PTPRF: variants seen among roughly 807,000 people sequenced by gnomAD.
The protein encoded by PTPRF is receptor-type tyrosine-protein phosphatase F.
In PTPRF, 59 loss-of-function variants were observed where a neutral mutation model predicts 201.8. That is an observed-to-expected ratio of 0.29 (90% CI 0.24 to 0.36). The LOEUF (loss-of-function observed/expected upper bound fraction) is 0.36, where lower values mean the gene tolerates loss of function less well. PTPRF is among the 10% of genes least tolerant of loss of function. The pLI is 1.00. For synonymous variants in PTPRF, 1,088 were observed against 1,089.7 expected, an observed-to-expected ratio of 1.00 and a Z score of 0.03; for missense variants, 2,132 against 2,690.5, an observed-to-expected ratio of 0.79 and a Z score of 4.59.
intron 13 of PTPRF, 112 bp downstream of exon 13, chr1:43,599,025 G>A (rs1281307874): frequency 8.5e-7 from 1 of 1,178,890 alleles, no homozygotes; most frequent in East Asian, 2.5e-5. Flanking sequence ...CAGCAGTGCT[G>A]TGACTGCCTT....
Position 43,609,436 on chromosome 1 carries a change from A to G in PTPRF, c.3911A>G (p.Asp1304Gly). The change falls in exon 22 of 34, where the codon GAC becomes GGC. Residue 1304 changes from aspartate to glycine, a missense_variant. This residue lies in a region of PTPRF where 818 missense variants were observed against 915.3 expected (regional missense o/e 0.89). Transcript: ENST00000359947. ...GATGAGCAGTCGATCGGACTGAAGG[A>G]CTCCTTGCTGGCCCACTCCTCTGAC... ...SKDEQSIGLK[D>G]SLLAHSSDPV... 6.2e-7 allele frequency: 1 copy of G among 1,613,694 alleles called. No individual in the cohort carries two copies. Among genetic ancestry groups the G allele is most frequent in the Non-Finnish European group, 8.5e-7 (1 of 1,179,908 alleles).
intron 2 of PTPRF, among the ~76,000 whole-genome samples, chr1:43,539,150 A>T (rs1378449224): frequency 6.6e-6 from 1 of 152,186 alleles, no homozygotes; most frequent in Non-Finnish European, 1.5e-5. Flanking sequence ...GGAGTGATTG[A>T]AGGCAGGAAG....
intron 3 of PTPRF, among the ~76,000 whole-genome samples, chr1:43,549,114 G>C (rs1349986190): frequency 1.3e-5 from 2 of 152,256 alleles, no homozygotes; most frequent in Non-Finnish European, 2.9e-5. Flanking sequence ...GTGTGTGTCA[G>C]GGAGGGGGCA....
intron 22 of PTPRF, chr1:43,612,743 T>C (rs755148677): frequency 1.6e-5 from 22 of 1,357,856 alleles, no homozygotes; most frequent in Non-Finnish European, 2.2e-5. Context: ...TTTTTTCGTT[T>C]GTTTGTTTGT....
chr1:43,575,104 G>A (rs1315319924), intron 6 of PTPRF, among the ~76,000 whole-genome samples: 1 of 152,238 alleles, frequency 6.6e-6, no homozygotes, highest in Non-Finnish European at 1.5e-5. Context: ...TCTGGGGAAG[G>A]CAGTGGTTGC....
chr1:43,567,595 C>T (rs1269512047), intron 5 of PTPRF, among the ~76,000 whole-genome samples: 1 of 152,174 alleles, frequency 6.6e-6, no homozygotes, highest in African/African-American at 2.4e-5. Context: ...GCAGCTAGAG[C>T]CTTGGGGAGC....
rs571838340 is a variant in PTPRF, at chr1:43,605,235, C to T, written c.3181C>T (p.Arg1061Trp). Reference protein sequence around the residue: ...QSVEVDGHSMRKLIADLQPNT... With the variant: ...QSVEVDGHSMWKLIADLQPNT... Reference sequence around the variant, plus strand: ...TGTGGAGGTGGACGGGCACTCGATGCGGAAGCTGATCGCAGACCTGCAGCC... The same window carrying T: ...TGTGGAGGTGGACGGGCACTCGATGTGGAAGCTGATCGCAGACCTGCAGCC... The change falls in exon 18 of 34, where the codon CGG (arginine) becomes TGG (tryptophan). Residue 1061 changes from arginine to tryptophan, a missense_variant. This residue lies in a region of PTPRF where 818 missense variants were observed against 915.3 expected (regional missense o/e 0.89). Transcript: ENST00000359947. 8 of 1,607,636 alleles carry T rather than the reference C, an allele frequency of 5.0e-6. No homozygotes were observed. The highest frequency in any genetic ancestry group is 1.7e-4 in the Middle Eastern group (1 of 6,044).
intron 3 of PTPRF, among the ~76,000 whole-genome samples, chr1:43,548,828 C>T (rs1416568339): frequency 1.3e-5 from 2 of 152,182 alleles, no homozygotes; most frequent in African/African-American, 4.8e-5. Context: ...GCCCTGCCTC[C>T]GTGTGTACAT....
chr1:43,591,564 G>T lies in PTPRF; in HGVS notation c.1531+11G>T, dbSNP rs1361888149. 2 of 1,550,920 alleles carry T rather than the reference G, an allele frequency of 1.3e-6. No homozygotes were observed. The highest frequency in any genetic ancestry group is 1.9e-5 in the Admixed American group (1 of 53,972). ...AGACGCAGCAGGGAGGTAGGTGGGG[G>T]CATGCCGGCTGGGCAGCCAACAGCA... On this transcript the variant is annotated intron_variant, in intron 9 of 33. Transcript: ENST00000359947.
chr1:43,536,827 G>A (rs1000406372), intron 1 of PTPRF, among the ~76,000 whole-genome samples: 12 of 152,144 alleles, frequency 7.9e-5, no homozygotes. Context: ...AGGCTGGGTC[G>A]CCAAGCTGGC....
At chr1:43,571,240 A>G (rs1364123908) in intron 6 of PTPRF, among the ~76,000 whole-genome samples, 1 of 151,908 alleles carries the variant, frequency 6.6e-6, no homozygotes, top group African/African-American at 2.4e-5. Context: ...CTAGCCTTTC[A>G]GGGCTCTGTC....
At chr1:43,536,484 G>C (rs146850378) in intron 1 of PTPRF, among the ~76,000 whole-genome samples, 1,927 of 152,258 alleles carry the variant, frequency 0.013, 38 homozygotes, top group African/African-American at 0.043. Flanking sequence ...CTCCAAGCAC[G>C]AGACCCTGCT....
At chr1:43,617,978 CTTCTTCTGTGCCGCT>C in intron 25 of PTPRF, 67 bp downstream of exon 25, 1 of 1,485,532 alleles carries the variant, frequency 6.7e-7, no homozygotes, top group South Asian at 1.3e-5. Context: ...TACAGGGCAC[CTTCTTCTGTGCCGCT>C]TTCTTCTGTG....
chr1:43,578,778 C>G (rs201520728), intron 6 of PTPRF, 32 bp from the exon 7 acceptor site: 431 of 1,544,026 alleles, frequency 2.8e-4, no homozygotes, highest in Non-Finnish European at 3.5e-4. Context: ...CGACATGGGC[C>G]GTGCCTGACC....
At chr1:43,580,784 G>T (rs1315598628) in intron 7 of PTPRF, among the ~76,000 whole-genome samples, 1 of 152,238 alleles carries the variant, frequency 6.6e-6, no homozygotes, top group Non-Finnish European at 1.5e-5. Flanking sequence ...GTAGGGTCGA[G>T]AGTGGCAGTT....
At position 43,571,643 on chromosome 1, in the gene PTPRF, G is replaced by A. The variant is rs566214310; in HGVS notation, c.568+1865G>A. On this transcript the variant is annotated intron_variant, in intron 6 of 33. Coordinates refer to ENST00000359947, the MANE Select transcript of PTPRF (RefSeq NM_002840.5). The stretch of plus-strand genomic sequence containing the variant: ...TGGCCCCCTTCTCCCCTCCTGCTGC[G>A]TCAGTCCTATCCCAGGCACCAGACA... Among the ~76,000 whole-genome samples, 10 of 152,284 alleles carry A rather than the reference G, an allele frequency of 6.6e-5. No homozygotes were observed. The East Asian group carries it at 1.4e-3, about 21-fold the overall frequency.
intron 7 of PTPRF, among the ~76,000 whole-genome samples, chr1:43,586,926 T>C (rs11210875): frequency 0.26 from 39,542 of 152,046 alleles, 6,085 homozygotes; most frequent in East Asian, 0.48. Flanking sequence ...AGAATGCAGG[T>C]AGAAGTGGTT....
chr1:43,601,821 C>T (rs990828383), intron 13 of PTPRF, among the ~76,000 whole-genome samples: 5 of 152,206 alleles, frequency 3.3e-5, no homozygotes, highest in African/African-American at 1.2e-4. Flanking sequence ...CGGGTCCTCT[C>T]CCTGCAGGCT....
Position 43,537,217 on chromosome 1 carries a change from A to G in PTPRF, c.-125-981A>G, listed in dbSNP as rs1303983660. Among the ~76,000 whole-genome samples, 8 of 152,190 alleles carry G rather than the reference A, an allele frequency of 5.3e-5. No homozygotes were observed. The highest frequency in any genetic ancestry group is 1.0e-4 in the Non-Finnish European group (7 of 68,034). ...CCCACCCCCACCCAGGATGGTACCC[A>G]CGCTGGTGGGGACTCAATAATGGCT... On this transcript the variant is annotated intron_variant, in intron 1 of 33. Transcript: ENST00000359947. The surrounding 1 kb of genome is among the most constrained non-coding windows in gnomAD (Gnocchi z 4.8).
Sources: gnomAD v4.1 joint callset for allele counts (sites outside exome capture counted in the v4.1 genomes callset) on GRCh38, gnomAD v4.1.1 for gene constraint, gnomAD v4.1.1 regional missense constraint, Gnocchi (gnomAD v3.1) non-coding constraint, MANE v1.5 for transcripts, NCBI Gene and HGNC (gene_info 2026-07-23, HGNC 2026-07-21) for gene names.